GALNT11: variants seen among roughly 807,000 people sequenced by gnomAD.
GALNT11 encodes polypeptide N-acetylgalactosaminyltransferase 11.
GALNT11 carries 47 observed loss-of-function variants against 72.7 expected under a neutral mutation model. The ratio of observed to expected loss-of-function variants is 0.65; its 90% CI spans 0.51 to 0.82. The LOEUF (loss-of-function observed/expected upper bound fraction) is 0.82. GALNT11 is among the 40% of genes least tolerant of loss of function. GALNT11 has a pLI of 0.00. For missense variants in GALNT11, 677 were observed against 778.4 expected, an observed-to-expected ratio of 0.87 and a Z score of 1.55; for synonymous variants, 270 against 286.6, an observed-to-expected ratio of 0.94 and a Z score of 0.58.
intron 1 of GALNT11, among the ~76,000 whole-genome samples, chr7:152,044,571 T>A (rs2083027203): frequency 6.6e-6 from 1 of 152,190 alleles, no homozygotes; most frequent in African/African-American, 2.4e-5. Flanking sequence ...TGGGATTACT[T>A]TCTTGATTTC....
chr7:152,110,446 A>C, intron 6 of GALNT11, 82 bp from the exon 7 acceptor site: 1 of 942,158 alleles, frequency 1.1e-6, no homozygotes, highest in Non-Finnish European at 1.7e-6. Flanking sequence ...ATGTTCCAAA[A>C]TGACACTGAG....
At chr7:152,054,702 A>G (rs2083573165) in intron 1 of GALNT11, among the ~76,000 whole-genome samples, 1 of 150,540 alleles carries the variant, frequency 6.6e-6, no homozygotes, top group Non-Finnish European at 1.5e-5. Context: ...GTACTTTTGT[A>G]GAGACAGGGT....
At position 152,038,152 on chromosome 7, in the gene GALNT11, G is replaced by T. The variant is rs548593278; in HGVS notation, c.-39+12268G>T. On this transcript the variant is annotated intron_variant, in intron 1 of 11. Coordinates refer to ENST00000430044, the MANE Select transcript of GALNT11 (RefSeq NM_022087.4). ...CTGCCGAGACCAGCTGGGTCATGGA[G>T]ACCCTTACCCAGCGGCGCTAGAGGA... is the stretch of plus-strand genomic sequence containing the variant. Among the ~76,000 whole-genome samples the T allele has an allele frequency of 2.6e-5, 4 of 152,270 alleles. No individual in the cohort carries two copies. In the East Asian group the frequency reaches 7.7e-4, roughly 29 times the overall value.
At chr7:152,053,615 G>A (rs1036259174) in intron 1 of GALNT11, among the ~76,000 whole-genome samples, 1 of 152,022 alleles carries the variant, frequency 6.6e-6, no homozygotes, top group Non-Finnish European at 1.5e-5. Flanking sequence ...ATTTCTTTAC[G>A]ATTTTTTTCC....
intron 3 of GALNT11, among the ~76,000 whole-genome samples, chr7:152,101,605 G>C (rs1363770474): frequency 6.8e-6 from 1 of 146,880 alleles, no homozygotes; most frequent in Admixed American, 6.8e-5. Context: ...AAGAATTCAG[G>C]GTTCTCAATG....
chr7:152,025,848 TCC>T lies in GALNT11; in HGVS notation c.-73_-72del. ...GGGAGAGAAGATGCCGCAGCCCGAG[TCC>T]CAGAAGGCGGCGATCCTGGGCTGCG... On this transcript the variant is annotated 5_prime_UTR_variant, in exon 1 of 12. It removes the in-frame stop codon of an upstream open reading frame in the 5' UTR. Coordinates refer to ENST00000430044, the MANE Select transcript of GALNT11 (RefSeq NM_022087.4). The T allele has an allele frequency of 3.5e-6, 1 of 283,420 alleles. No homozygotes were observed. The allele number at this position is 283,420 out of a possible 1,614,324, so 17.6% of individuals were successfully genotyped here. A position where few individuals can be genotyped will look rare whatever the true frequency, so the allele number is the denominator to read the frequency against.
In GALNT11 at chr7:152,099,930, G is replaced by A. The variant is rs1254910668; in HGVS notation, c.296-868G>A. Among the ~76,000 whole-genome samples the A allele has an allele frequency of 3.4e-5, 5 of 148,960 alleles. No homozygotes were observed. In the East Asian group the frequency reaches 1.0e-3, roughly 30 times the overall value. On this transcript the variant is annotated intron_variant, in intron 2 of 11. Coordinates refer to ENST00000430044, the MANE Select transcript of GALNT11 (RefSeq NM_022087.4). ...GGAGACTACAGGTGTGAGCCACTGA[G>A]CCACCACACCTGGCTAATTTTTTTT... is the stretch of plus-strand genomic sequence containing the variant.
chr7:152,077,366 C>T (rs2085049538), intron 1 of GALNT11, among the ~76,000 whole-genome samples: 2 of 152,298 alleles, frequency 1.3e-5, no homozygotes, highest in South Asian at 4.1e-4. Context: ...TTTTGCCCGG[C>T]TATTTGCTGT....
intron 6 of GALNT11, among the ~76,000 whole-genome samples, chr7:152,109,160 G>A (rs1239078268): frequency 6.6e-6 from 1 of 152,184 alleles, no homozygotes; most frequent in Non-Finnish European, 1.5e-5. Context: ...GGCTCTATCC[G>A]GGATTGCTCC....
chr7:152,025,994 C>G (rs1249061557), intron 1 of GALNT11, 110 bp downstream of exon 1: 2 of 153,660 alleles, frequency 1.3e-5, no homozygotes, highest in African/African-American at 4.8e-5. Flanking sequence ...GGGGCAGCGC[C>G]TGGCTCCCCG....
intron 1 of GALNT11, among the ~76,000 whole-genome samples, chr7:152,032,835 G>A (rs755429060): frequency 7.2e-5 from 11 of 152,188 alleles, no homozygotes; most frequent in Admixed American, 2.6e-4. Flanking sequence ...CCTAATAAGG[G>A]TGTGGGACTT....
rs553869076 is a variant in GALNT11, at chr7:152,048,498, C to T, written c.-39+22614C>T. ...ATTTTCTACCCCCACTGTCTGTCTACGTCCTCTTTAAGGTCAACAACTTTT... is the reference window on the plus strand; with the variant it reads ...ATTTTCTACCCCCACTGTCTGTCTATGTCCTCTTTAAGGTCAACAACTTTT... On this transcript the variant is annotated intron_variant, in intron 1 of 11. Transcript: ENST00000430044. Among the ~76,000 whole-genome samples the T allele has an allele frequency of 1.7e-4, 26 of 151,856 alleles. 1 individual carries two copies. Among genetic ancestry groups the T allele is most frequent in the African/African-American group, 6.3e-4 (26 of 41,326 alleles).
rs1009548038 is a variant in GALNT11 at position 152,099,530 on chromosome 7, G to GTTTTTTTTTTTTT, written c.296-1251_296-1239dup. On this transcript the variant is annotated intron_variant, in intron 2 of 11. Transcript: ENST00000430044. ...GGGAATGCACCACCACTCCCGCCTA[G>GTTTTTTTTTTTTT]TTTTTTTTTTTTTTTTTTTTTTTTT... 1.6e-4 allele frequency among the ~76,000 whole-genome samples: 9 copies of GTTTTTTTTTTTTT among 57,784 alleles called. 1 individual carries two copies. Among genetic ancestry groups the GTTTTTTTTTTTTT allele is most frequent in the Non-Finnish European group, 2.6e-4 (8 of 31,356 alleles). The allele number at this position is 57,784 out of a possible 152,430, so 37.9% of individuals were successfully genotyped here.
chr7:152,090,218 A>G (rs552126695), intron 1 of GALNT11, among the ~76,000 whole-genome samples: 1 of 152,318 alleles, frequency 6.6e-6, no homozygotes, highest in South Asian at 2.1e-4. Context: ...GCTATGTCAG[A>G]TTTCTTCTAC....
chr7:152,107,895 T>C, intron 5 of GALNT11, 143 bp from the exon 6 acceptor site: 2 of 867,620 alleles, frequency 2.3e-6, no homozygotes, highest in Non-Finnish European at 1.8e-6. Context: ...CAGTGAAGTG[T>C]AGTGGAGCAG....
At chr7:152,068,346 T>C (rs948598698) in intron 1 of GALNT11, among the ~76,000 whole-genome samples, 1 of 152,208 alleles carries the variant, frequency 6.6e-6, no homozygotes, top group Non-Finnish European at 1.5e-5. Context: ...CTTTGTGTAG[T>C]TTGATAGTTC....
At chr7:152,111,772 T>C (rs1343138376) in intron 7 of GALNT11, among the ~76,000 whole-genome samples, 6 of 152,208 alleles carry the variant, frequency 3.9e-5, no homozygotes, top group Non-Finnish European at 7.3e-5. Context: ...CAGATACATA[T>C]AGTCATATAG....
intron 1 of GALNT11, among the ~76,000 whole-genome samples, chr7:152,049,653 C>T (rs773081245): frequency 2.6e-5 from 4 of 152,124 alleles, no homozygotes; most frequent in Non-Finnish European, 2.9e-5. Context: ...TGCTCAAGGC[C>T]CTAAGGCTCT....
At chr7:152,043,094 T>G (rs910496051) in intron 1 of GALNT11, among the ~76,000 whole-genome samples, 1 of 152,210 alleles carries the variant, frequency 6.6e-6, no homozygotes, top group South Asian at 2.1e-4. Flanking sequence ...ATTTCACTTT[T>G]CCCCATTTCC....
Sources: gnomAD v4.1 joint callset for allele counts (sites outside exome capture counted in the v4.1 genomes callset) on GRCh38, gnomAD v4.1.1 for gene constraint, MANE v1.5 for transcripts, NCBI Gene and HGNC (gene_info 2026-07-23, HGNC 2026-07-21) for gene names.